Variants in PAFAH2 observed in about 807,000 individuals in gnomAD.
PAFAH2 encodes platelet-activating factor acetylhydrolase 2, cytoplasmic.
A neutral mutation model predicts 49.0 loss-of-function variants in PAFAH2; 42 were observed. The observed-to-expected ratio is 0.86, with a 90% CI of 0.67 to 1.11. PAFAH2 has a LOEUF of 1.11. PAFAH2 is among the 50% of genes least tolerant of loss of function. The pLI is 0.00. For synonymous variants in PAFAH2, 184 were observed against 181.3 expected, an observed-to-expected ratio of 1.01 and a Z score of -0.12; for missense variants, 503 against 501.8, an observed-to-expected ratio of 1.00 and a Z score of -0.02.
chr1:25,991,714 G>A (rs1449093384), intron 1 of PAFAH2, among the ~76,000 whole-genome samples: 6 of 148,582 alleles, frequency 4.0e-5, no homozygotes, highest in African/African-American at 7.4e-5. Context: ...CCAACATGGC[G>A]AAACCCCGTC....
At chr1:25,987,061 T>C (rs111423818) in intron 4 of PAFAH2, among the ~76,000 whole-genome samples, 1,569 of 150,384 alleles carry the variant, frequency 0.01, 19 homozygotes, top group African/African-American at 0.037. Flanking sequence ...CTGGCTAACA[T>C]GGTGAAGCCC....
intron 10 of PAFAH2, among the ~76,000 whole-genome samples, chr1:25,964,839 T>A (rs1343213304): frequency 6.6e-6 from 1 of 152,184 alleles, no homozygotes. Context: ...ATGACCATAA[T>A]GCTCAAAGCA....
rs199672043 is a variant in PAFAH2, at chr1:25,962,028, C to T, written c.1140G>A (p.Ser380=). Residue 380 remains serine, a synonymous_variant, in exon 11 of 11, where the codon TCG becomes TCA. Coordinates refer to ENST00000374282, the MANE Select transcript of PAFAH2 (RefSeq NM_000437.4). The stretch of plus-strand genomic sequence containing the variant: ...GATGGTGGGGGGCCCCTGGGGTGAG[C>T]GACGGTCCAATGCCTTCAATAAGGT... ...WNNLIEGIGP[S]LTPGAPHHLS... 6 of 1,613,654 alleles carry T rather than the reference C, an allele frequency of 3.7e-6. No individual in the cohort carries two copies. The highest frequency in any genetic ancestry group is 1.3e-5 in the African/African-American group (1 of 74,800).
Position 25,982,424 on chromosome 1 carries a change from G to A in PAFAH2, c.606C>T (p.Val202=), listed in dbSNP as rs2049704388. Residue 202 remains valine, a synonymous_variant, in exon 7 of 11, where the codon GTC becomes GTT. Transcript: ENST00000374282. ...CLRVLKILQE[V]TAGQTVFNIL... ...TGTTGAAGACAGTCTGCCCAGCAGT[G>A]ACCTCTTGCAGGATCTTCAACACCC... 3.7e-6 allele frequency: 6 copies of A among 1,614,116 alleles called. No individual in the cohort carries two copies. The highest frequency in any genetic ancestry group is 5.1e-6 in the Non-Finnish European group (6 of 1,180,022).
At position 25,988,446 on chromosome 1, in the gene PAFAH2, C is replaced by G. The variant is rs2049819586; in HGVS notation, c.245-119G>C. The G allele has an allele frequency of 1.3e-5, 9 of 707,940 alleles. No homozygotes were observed. In the South Asian group the frequency reaches 1.4e-4, roughly 11 times the overall value. 43.9% of individuals were successfully genotyped at this position (707,940 alleles called of 1,614,324 possible). On this transcript the variant is annotated intron_variant, in intron 3 of 10. Coordinates refer to ENST00000374282, the MANE Select transcript of PAFAH2 (RefSeq NM_000437.4). ...CTCCCCTCTGGAGAACCACCATCGG[C>G]CCCTGAGCAGCTCAGGGCAGTTAAT... is the stretch of plus-strand genomic sequence containing the variant.
chr1:25,983,939 A>C lies in PAFAH2; in HGVS notation c.552+7T>G. 1 of 1,614,054 alleles carries C rather than the reference A, an allele frequency of 6.2e-7. No individual in the cohort carries two copies. The highest frequency in any genetic ancestry group is 8.5e-7 in the Non-Finnish European group (1 of 1,179,960). On this transcript the variant is annotated splice_region_variant and intron_variant, in intron 6 of 10. Transcript: ENST00000374282. ...TAACTCTCCCTCCCCAACTGGCACA[A>C]ACTTACCTGGGGATTCCGAACATGA...
intron 7 of PAFAH2, among the ~76,000 whole-genome samples, chr1:25,977,513 G>T (rs2049613442): frequency 6.6e-6 from 1 of 151,572 alleles, no homozygotes; most frequent in Non-Finnish European, 1.5e-5. Context: ...AAATTAGCTG[G>T]GCATGGTGGC....
At chr1:25,962,803 C>T (rs1456979297) in intron 10 of PAFAH2, among the ~76,000 whole-genome samples, 1 of 141,410 alleles carries the variant, frequency 7.1e-6, no homozygotes, top group Admixed American at 7.2e-5. Flanking sequence ...ACCTGGGCAA[C>T]AGCAAGACCA....
chr1:25,977,041 G>C (rs1287029484), intron 7 of PAFAH2, among the ~76,000 whole-genome samples: 1 of 41,886 alleles, frequency 2.4e-5, no homozygotes, highest in Non-Finnish European at 3.9e-5. Flanking sequence ...TTTTTTTTTT[G>C]AGACGGAGTC....
intron 10 of PAFAH2, among the ~76,000 whole-genome samples, chr1:25,965,643 C>T (rs1051913322): frequency 4.6e-5 from 7 of 151,784 alleles, no homozygotes; most frequent in Non-Finnish European, 8.8e-5. Flanking sequence ...TGGTGAAACC[C>T]TGTCTCTATT....
At position 25,989,513 on chromosome 1, in the gene PAFAH2, G is replaced by A. The variant is rs755341441; in HGVS notation, c.179C>T (p.Thr60Ile). The A allele has an allele frequency of 1.2e-6, 2 of 1,613,012 alleles. No individual in the cohort carries two copies. The highest frequency in any genetic ancestry group is 1.7e-6 in the Non-Finnish European group (2 of 1,179,442). The change falls in exon 3 of 11, where the codon ACT becomes ATT. Residue 60 changes from threonine to isoleucine, a missense_variant. Transcript: ENST00000374282. ...PLWIPRYEYC[T>I]GLAEYLQFNK... is the part of the protein sequence containing the mutation. ...AAACTGCAGGTACTCGGCCAGGCCA[G>A]TGCAGTACTCATAGCGGGGAATCCA...
At chr1:25,991,593 C>T (rs967111106) in intron 1 of PAFAH2, among the ~76,000 whole-genome samples, 1 of 144,918 alleles carries the variant, frequency 6.9e-6, no homozygotes, top group Non-Finnish European at 1.5e-5. Flanking sequence ...GAGGTAGGTA[C>T]TATTAAGACC....
intron 9 of PAFAH2, among the ~76,000 whole-genome samples, chr1:25,973,850 C>T (rs1301146485): frequency 6.6e-6 from 1 of 152,128 alleles, no homozygotes; most frequent in African/African-American, 2.4e-5. Context: ...AGGAGCAGTC[C>T]GTGAGATCTC....
intron 9 of PAFAH2, 36 bp from the exon 10 acceptor site, chr1:25,972,748 C>A (rs760643072): frequency 1.2e-6 from 2 of 1,612,400 alleles, no homozygotes; most frequent in Non-Finnish European, 1.7e-6. Context: ...AGGGGTCTGG[C>A]GGCTAGGGCA....
chr1:25,996,695 G>C (rs2049941854), intron 1 of PAFAH2, among the ~76,000 whole-genome samples: 1 of 152,170 alleles, frequency 6.6e-6, no homozygotes, highest in Non-Finnish European at 1.5e-5. Flanking sequence ...ATTAAATAAT[G>C]CATGTAAAGC....
intron 4 of PAFAH2, 78 bp from the exon 5 acceptor site, chr1:25,984,606 C>T (rs550948872): frequency 4.9e-5 from 56 of 1,137,130 alleles, no homozygotes; most frequent in Non-Finnish European, 7.2e-5. Context: ...CAATGCTCTG[C>T]TAGCAGCCAT....
chr1:25,966,522 C>T (rs574031117), intron 10 of PAFAH2, among the ~76,000 whole-genome samples: 1 of 152,082 alleles, frequency 6.6e-6, no homozygotes, highest in Non-Finnish European at 1.5e-5. Flanking sequence ...AGTCAAATAC[C>T]GAATGCTGTA....
At chr1:25,983,429 T>C (rs779169983) in intron 6 of PAFAH2, among the ~76,000 whole-genome samples, 2 of 151,828 alleles carry the variant, frequency 1.3e-5, no homozygotes, top group Non-Finnish European at 2.9e-5. Flanking sequence ...TAGTGGTGCA[T>C]GTGTGTAGTC....
intron 7 of PAFAH2, 27 bp downstream of exon 7, chr1:25,982,337 T>A: frequency 6.6e-7 from 1 of 1,509,996 alleles, no homozygotes; most frequent in Non-Finnish European, 9.2e-7. Flanking sequence ...AATACTGGGC[T>A]CTAGGTCATA....
Sources: gnomAD v4.1 joint callset for allele counts (sites outside exome capture counted in the v4.1 genomes callset) on GRCh38, gnomAD v4.1.1 for gene constraint, MANE v1.5 for transcripts, NCBI Gene and HGNC (gene_info 2026-07-23, HGNC 2026-07-21) for gene names.